SHC3: variants seen among roughly 807,000 people sequenced by gnomAD.
SHC3 encodes the protein SHC adaptor protein 3.
A neutral mutation model predicts 60.4 loss-of-function variants in SHC3; 15 were observed. The observed-to-expected ratio is 0.25, with a 90% CI of 0.17 to 0.38. SHC3 has a LOEUF of 0.38. SHC3 is among the 10% of genes least tolerant of loss of function. SHC3 has a pLI of 1.00. For synonymous variants in SHC3, 294 were observed against 325.9 expected (o/e 0.90, Z 1.05); for missense variants, 677 against 786.1 (o/e 0.86, Z 1.66).
chr9:89,078,338 G>A (rs1390198294), intron 2 of SHC3, among the ~76,000 whole-genome samples: 1 of 152,168 alleles, frequency 6.6e-6, no homozygotes, highest in Non-Finnish European at 1.5e-5. Flanking sequence ...CTTCTTAAGT[G>A]AGTTAGAATG....
chr9:89,168,541 G>T (rs1826824099), intron 1 of SHC3, among the ~76,000 whole-genome samples: 1 of 152,092 alleles, frequency 6.6e-6, no homozygotes, highest in South Asian at 2.1e-4. Context: ...AAGTTTATTT[G>T]ATCATTCCTT....
chr9:89,121,921 C>A (rs1385522939), intron 1 of SHC3, among the ~76,000 whole-genome samples: 5 of 152,108 alleles, frequency 3.3e-5, no homozygotes, highest in African/African-American at 4.8e-5. Context: ...TAAGAGCTGG[C>A]CAACTTTCAC....
chr9:89,127,004 C>T (rs1826174283), intron 1 of SHC3, among the ~76,000 whole-genome samples: 1 of 152,120 alleles, frequency 6.6e-6, no homozygotes, highest in Non-Finnish European at 1.5e-5. Flanking sequence ...TCACAGTTAG[C>T]CCTAAAAATT....
chr9:89,070,305 G>A (rs1825249478), intron 5 of SHC3, among the ~76,000 whole-genome samples: 1 of 152,140 alleles, frequency 6.6e-6, no homozygotes, highest in African/African-American at 2.4e-5. Flanking sequence ...AAATTAAGAT[G>A]AGAACTTTCC....
rs532806765 is a variant in SHC3, at chr9:89,157,570, T to C, written c.474+20417A>G. ...ATTTGTTAGATTGGCAACAAGAAAC[T>C]AATATATTGCCAAAATGTTTTTTTA... On this transcript the variant is annotated intron_variant, in intron 1 of 11. Transcript: ENST00000375835. 5.9e-5 allele frequency among the ~76,000 whole-genome samples: 9 copies of C among 152,352 alleles called. No individual in the cohort carries two copies. In the South Asian group the frequency reaches 1.9e-3, roughly 32 times the overall value.
chr9:89,098,913 A>C (rs1825743990), intron 2 of SHC3, among the ~76,000 whole-genome samples: 1 of 152,194 alleles, frequency 6.6e-6, no homozygotes, highest in Non-Finnish European at 1.5e-5. Context: ...TGGAGGTTGC[A>C]GTGAGCCGAC....
At chr9:89,114,034 G>A (rs1825987666) in intron 1 of SHC3, among the ~76,000 whole-genome samples, 1 of 152,148 alleles carries the variant, frequency 6.6e-6, no homozygotes. Context: ...CCATTGCAGA[G>A]TTACGTGAAA....
intron 6 of SHC3, among the ~76,000 whole-genome samples, chr9:89,059,806 GGTGGTGTAGGACA>G (rs1398267051): frequency 1.0e-4 from 7 of 69,578 alleles, no homozygotes; most frequent in South Asian, 5.0e-4. Flanking sequence ...TGTGGAGGAT[GGTGGTGTAGGACA>G]GTGGTGGAGG....
Position 89,038,306 on chromosome 9 carries a change from G to T in SHC3, c.1361-18C>A. The T allele has an allele frequency of 6.4e-7, 1 of 1,574,180 alleles. No individual in the cohort carries two copies. Among genetic ancestry groups the T allele is most frequent in the South Asian group, 1.1e-5 (1 of 87,882 alleles). On this transcript the variant is annotated intron_variant, in intron 10 of 11. Transcript: ENST00000375835. ...AAAAGGTTCTGTCATCAACAATATT[G>T]ACCAGCAACAAGTCAATCCCAAGAA...
rs1394950670 is a variant in SHC3 at position 89,011,314 on chromosome 9, A to T, written c.*2133T>A. On this transcript the variant is annotated 3_prime_UTR_variant, in exon 12 of 12. Coordinates refer to ENST00000375835, the MANE Select transcript of SHC3 (RefSeq NM_016848.6). ...GCAGGTTACCATTCAAGTCCCCCCA[A>T]GAGAAAAATAAAGTAAATCAAATGT... 2 of 152,220 alleles carry T rather than the reference A, an allele frequency of 1.3e-5. No homozygotes were observed. The highest frequency in any genetic ancestry group is 2.9e-5 in the Non-Finnish European group (2 of 68,028). The allele number at this position is 152,220 out of a possible 1,614,324, so 9.4% of individuals were successfully genotyped here.
intron 1 of SHC3, among the ~76,000 whole-genome samples, chr9:89,140,813 G>A (rs75224392): frequency 0.01 from 1,571 of 152,180 alleles, 12 homozygotes; most frequent in South Asian, 0.034. Context: ...GTTCTCTTAT[G>A]TCGGCATTAA....
At chr9:89,146,571 C>T (rs1399393464) in intron 1 of SHC3, among the ~76,000 whole-genome samples, 2 of 151,992 alleles carry the variant, frequency 1.3e-5, no homozygotes, top group Non-Finnish European at 2.9e-5. Context: ...AAGTAAAATC[C>T]CATGTTAACC....
Position 89,069,087 on chromosome 9 carries a change from C to T in SHC3, c.783+2112G>A, listed in dbSNP as rs146098322. Among the ~76,000 whole-genome samples the T allele has an allele frequency of 5.7e-3, 873 of 152,202 alleles. 11 individuals carry two copies. Among genetic ancestry groups the T allele is most frequent in the African/African-American group, 0.019 (806 of 41,526 alleles). ...ACTTTGGGAGGCCGAGGTGGGTGGA[C>T]CACTTAAGCCCAGAGTTTGAGACCA... On this transcript the variant is annotated intron_variant, in intron 5 of 11. Coordinates refer to ENST00000375835, the MANE Select transcript of SHC3 (RefSeq NM_016848.6).
Position 89,137,359 on chromosome 9 carries a change from C to T in SHC3, c.475-24733G>A, listed in dbSNP as rs552147604. On this transcript the variant is annotated intron_variant, in intron 1 of 11. Coordinates refer to ENST00000375835, the MANE Select transcript of SHC3 (RefSeq NM_016848.6). Reference sequence around the variant, plus strand: ...GTTTTATTTCTCAAACTCAAGATTACTTTGAGGATCTCAACACATTATGGT... The same window carrying T: ...GTTTTATTTCTCAAACTCAAGATTATTTTGAGGATCTCAACACATTATGGT... Among the ~76,000 whole-genome samples the T allele has an allele frequency of 5.9e-5, 9 of 152,258 alleles. No homozygotes were observed. The South Asian group carries it at 1.9e-3, about 32-fold the overall frequency.
intron 2 of SHC3, among the ~76,000 whole-genome samples, chr9:89,098,565 T>C (rs1296923248): frequency 1.3e-5 from 2 of 152,200 alleles, no homozygotes; most frequent in Admixed American, 1.3e-4. Context: ...TCCCAGCACT[T>C]TGGGAAGCCA....
At chr9:89,122,125 A>G (rs1335263572) in intron 1 of SHC3, among the ~76,000 whole-genome samples, 1 of 152,202 alleles carries the variant, frequency 6.6e-6, no homozygotes, top group African/African-American at 2.4e-5. Context: ...CCATGCTTCT[A>G]TGTTGTTTTG....
At chr9:89,129,560 C>T (rs926591842) in intron 1 of SHC3, among the ~76,000 whole-genome samples, 5 of 152,086 alleles carry the variant, frequency 3.3e-5, no homozygotes, top group Non-Finnish European at 5.9e-5. Context: ...GCAGATCTCT[C>T]GGCAGAAACT....
intron 6 of SHC3, among the ~76,000 whole-genome samples, chr9:89,059,305 CGGTGGTGGAGGACGTTGTGGAGGAT>C (rs1410990801): frequency 4.3e-5 from 4 of 93,134 alleles, no homozygotes; most frequent in Non-Finnish European, 6.3e-5. Context: ...TGGTGGAGGA[CGGTGGTGGAGGACGTTGTGGAGGAT>C]GGTGGTGGAG....
intron 1 of SHC3, among the ~76,000 whole-genome samples, chr9:89,150,807 T>C (rs895654968): frequency 2.0e-5 from 3 of 152,234 alleles, no homozygotes; most frequent in African/African-American, 7.2e-5. Context: ...AGCTGTACTA[T>C]ATTATGTTCC....
Sources: allele counts gnomAD v4.1 joint callset (sites outside exome capture counted in the v4.1 genomes callset), GRCh38; gene constraint gnomAD v4.1.1; transcripts MANE v1.5; gene names NCBI Gene and HGNC (gene_info 2026-07-23, HGNC 2026-07-21).